WDFY4: variants seen among roughly 807,000 people sequenced by gnomAD.
The protein encoded by WDFY4 is WDFY family member 4.
WDFY4 carries 169 observed loss-of-function variants against 351.9 expected under a neutral mutation model. That is an observed-to-expected ratio of 0.48 (90% CI 0.42 to 0.55). WDFY4 has a LOEUF of 0.55. WDFY4 is among the 20% of genes least tolerant of loss of function. The pLI is 0.00. For synonymous variants in WDFY4, 1,622 were observed against 1,574.6 expected, an observed-to-expected ratio of 1.03 and a Z score of -0.71; for missense variants, 3,803 against 3,935.6, an observed-to-expected ratio of 0.97 and a Z score of 0.90.
intron 36 of WDFY4, among the ~76,000 whole-genome samples, chr10:48,827,774 A>G (rs1302801992): frequency 1.3e-5 from 2 of 151,940 alleles, no homozygotes; most frequent in Non-Finnish European, 2.9e-5. Context: ...AAACACTAGC[A>G]TTGACTTCTC....
At chr10:48,710,806 C>G (rs1164051543) in intron 2 of WDFY4, among the ~76,000 whole-genome samples, 1 of 152,236 alleles carries the variant, frequency 6.6e-6, no homozygotes. Flanking sequence ...ACCAGCGCAT[C>G]TACTGGGTCT....
At chr10:48,742,945 T>C (rs1179052681) in intron 11 of WDFY4, 23 bp from the exon 12 acceptor site, 1 of 1,529,560 alleles carries the variant, frequency 6.5e-7, no homozygotes, top group Non-Finnish European at 8.8e-7. Context: ...AGTGCACTCA[T>C]TTTGATTTGC....
rs574807336 is a variant in WDFY4, at chr10:48,755,081, A to G, written c.2460-5266A>G. On this transcript the variant is annotated intron_variant, in intron 12 of 61. Transcript: ENST00000325239. ...AAATAGCTCCCAGATATTGCCCCAC[A>G]TAGTAAAACCTTTTCTCCACCCTAT... Among the ~76,000 whole-genome samples, 8 of 152,260 alleles carry G rather than the reference A, an allele frequency of 5.3e-5. No homozygotes were observed. The East Asian group carries it at 1.3e-3, about 26-fold the overall frequency.
intron 44 of WDFY4, among the ~76,000 whole-genome samples, chr10:48,891,669 C>T (rs1363575476): frequency 1.3e-5 from 2 of 152,196 alleles, no homozygotes; most frequent in Admixed American, 6.5e-5. Context: ...GGGTCCTGCC[C>T]CACCCTAGTT....
At position 48,969,318 on chromosome 10, in the gene WDFY4, C is replaced by A. The variant is rs1208236951; in HGVS notation, c.8769+70C>A. Reference sequence around the variant, plus strand: ...TTCCTCCAGCTGGAGGCAGAGATGGCCCAGAGATAAGTGAGTCCAAAGCAA... The same window carrying A: ...TTCCTCCAGCTGGAGGCAGAGATGGACCAGAGATAAGTGAGTCCAAAGCAA... On this transcript the variant is annotated intron_variant, in intron 56 of 61. Transcript: ENST00000325239. The A allele has an allele frequency of 4.0e-6, 6 of 1,516,118 alleles. No homozygotes were observed. In the African/African-American group the frequency reaches 6.9e-5, roughly 17 times the overall value. The allele number at this position is 1,516,118 out of a possible 1,614,324, so 93.9% of individuals were successfully genotyped here.
chr10:48,805,501 C>T (rs146163368), intron 26 of WDFY4, 80 bp downstream of exon 26: 25,832 of 1,475,180 alleles, frequency 0.018, 280 homozygotes, highest in Non-Finnish European at 0.02. Flanking sequence ...AGCTCTCTCC[C>T]CATTGTGCTC....
chr10:48,827,806 T>C (rs1291845831), intron 36 of WDFY4, among the ~76,000 whole-genome samples: 2 of 151,942 alleles, frequency 1.3e-5, no homozygotes. Context: ...TGGGAAGCCC[T>C]GGGAAACCCT....
intron 43 of WDFY4, among the ~76,000 whole-genome samples, chr10:48,888,707 T>C (rs1270750347): frequency 6.6e-6 from 1 of 152,232 alleles, no homozygotes; most frequent in Non-Finnish European, 1.5e-5. Flanking sequence ...TTCCTGCCTC[T>C]AGGCCCTTAA....
At chr10:48,722,874 GT>G in intron 4 of WDFY4, among the ~76,000 whole-genome samples, 1 of 152,320 alleles carries the variant, frequency 6.6e-6, no homozygotes, top group South Asian at 2.1e-4. Flanking sequence ...GCCCTGAGCT[GT>G]TTAGTTGAGT....
chr10:48,901,656 G>A (rs1837358429), intron 46 of WDFY4, 145 bp from the exon 47 acceptor site: 3 of 781,348 alleles, frequency 3.8e-6, no homozygotes, highest in African/African-American at 3.4e-5. Context: ...GTACACCCAG[G>A]CCTGGTGTTC....
chr10:48,942,469 T>C (rs1169549598), intron 48 of WDFY4, among the ~76,000 whole-genome samples: 1 of 152,208 alleles, frequency 6.6e-6, no homozygotes, highest in Non-Finnish European at 1.5e-5. Flanking sequence ...TCTGTGAAGA[T>C]ACACATGTAT....
At chr10:48,962,266 T>C (rs1394640890) in intron 53 of WDFY4, among the ~76,000 whole-genome samples, 1 of 152,178 alleles carries the variant, frequency 6.6e-6, no homozygotes, top group African/African-American at 2.4e-5. Flanking sequence ...TCGTATGACA[T>C]GACTCAAATG....
Position 48,743,294 on chromosome 10 carries a change from G to A in WDFY4, c.2205G>A (p.Val735=). The A allele has an allele frequency of 1.3e-6, 2 of 1,551,678 alleles. No individual in the cohort carries two copies. The highest frequency in any genetic ancestry group is 1.7e-6 in the Non-Finnish European group (2 of 1,146,978). ...AGGGCAACCTGCTGCGCTCTTGGGTGGACACAAAGGCCAGGCCATTTGCAG... is the reference window on the plus strand; with the variant it reads ...AGGGCAACCTGCTGCGCTCTTGGGTAGACACAAAGGCCAGGCCATTTGCAG... The part of the protein sequence containing the change: ...EEEGNLLRSW[V]DTKARPFADL... The change falls in exon 12 of 62, where the codon GTG becomes GTA. Residue 735 remains valine (V), a synonymous_variant. Transcript: ENST00000325239.
rs1182833509 is a variant in WDFY4, at chr10:48,709,413, C to CAAAAAAAA, written c.-17-287_-17-280dup. ...TGGGCGACAGAGCGAGACTCCGTCTCAAAAAAAAAAAAAAAAAAAAAAAGA... is the reference window on the plus strand; with the variant it reads ...TGGGCGACAGAGCGAGACTCCGTCTCAAAAAAAAAAAAAAAAAAAAAAAAAAAAAAAGA... On this transcript the variant is annotated intron_variant, in intron 1 of 61. Transcript: ENST00000325239. Among the ~76,000 whole-genome samples, 2 of 400 alleles carry CAAAAAAAA rather than the reference C, an allele frequency of 5.0e-3. 1 individual carries two copies. Among genetic ancestry groups the CAAAAAAAA allele is most frequent in the African/African-American group, 5.2e-3 (2 of 384 alleles). 0.3% of individuals were successfully genotyped at this position (400 alleles called of 152,430 possible).
chr10:48,811,853 C>T, intron 30 of WDFY4, 145 bp downstream of exon 30: 2 of 829,468 alleles, frequency 2.4e-6, no homozygotes, highest in South Asian at 3.6e-5. Context: ...TCCCTAGCAG[C>T]CCACACCCTT....
intron 7 of WDFY4, among the ~76,000 whole-genome samples, chr10:48,728,364 G>A (rs2064339237): frequency 6.6e-6 from 1 of 152,214 alleles, no homozygotes; most frequent in Admixed American, 6.5e-5. Context: ...GGGGCCCAGG[G>A]ATTACAGACA....
intron 47 of WDFY4, among the ~76,000 whole-genome samples, chr10:48,938,891 G>T (rs543962693): frequency 6.6e-6 from 1 of 152,172 alleles, no homozygotes; most frequent in Non-Finnish European, 1.5e-5. Context: ...GGAGTGAAAG[G>T]GTTGATGTGA....
At chr10:48,818,588 C>T (rs866216053) in intron 32 of WDFY4, among the ~76,000 whole-genome samples, 4 of 152,266 alleles carry the variant, frequency 2.6e-5, no homozygotes, top group South Asian at 2.1e-4. Flanking sequence ...GAACTTCATG[C>T]GATTAACAAG....
chr10:48,805,816 GT>G (rs1254310253), intron 26 of WDFY4, among the ~76,000 whole-genome samples, 187 bp from the exon 27 acceptor site: 3 of 152,200 alleles, frequency 2.0e-5, no homozygotes, highest in African/African-American at 7.2e-5. Context: ...TAGAGCCAGA[GT>G]TAGCGTCTCT....
Sources: gnomAD v4.1 joint callset for allele counts (sites outside exome capture counted in the v4.1 genomes callset) on GRCh38, gnomAD v4.1.1 for gene constraint, MANE v1.5 for transcripts, NCBI Gene and HGNC (gene_info 2026-07-23, HGNC 2026-07-21) for gene names.